Variants in GALNT13 observed in about 807,000 individuals in gnomAD.
GALNT13 encodes the protein polypeptide N-acetylgalactosaminyltransferase 13.
Under a neutral mutation model 64.2 loss-of-function variants are expected in GALNT13, and 28 were observed. The observed-to-expected ratio is 0.44, with a 90% CI of 0.32 to 0.60. The LOEUF (loss-of-function observed/expected upper bound fraction) is 0.60, where lower values mean the gene tolerates loss of function less well. GALNT13 is among the 20% of genes least tolerant of loss of function. The probability of loss-of-function intolerance (pLI) is 0.05; values close to 1 mark genes in which losing one functional copy is unlikely to be tolerated. For synonymous variants in GALNT13, 214 were observed against 224.6 expected (o/e 0.95, Z 0.42); for missense variants, 577 against 669.8 (o/e 0.86, Z 1.53).
At chr2:153,163,933 G>A in the GALNT13 span, among the ~76,000 whole-genome samples, 2 of 151,622 alleles carry the variant, frequency 1.3e-5, no homozygotes, top group Admixed American at 6.6e-5. Flanking sequence ...CAGGAGAATG[G>A]CGTGAACCCG....
At chr2:153,373,132 T>TTGTGTGCGTG in the GALNT13 span, among the ~76,000 whole-genome samples, 1 of 148,738 alleles carries the variant, frequency 6.7e-6, no homozygotes, top group Non-Finnish European at 1.5e-5. Flanking sequence ...TTCTGTTGCT[T>TTGTGTGCGTG]TGTGTGTGTG....
chr2:153,903,391 A>G (rs1688358007), intron 2 of GALNT13, among the ~76,000 whole-genome samples: 1 of 152,052 alleles, frequency 6.6e-6, no homozygotes, highest in African/African-American at 2.4e-5. Context: ...GTTAATGTAA[A>G]AGTAATTGCA....
At chr2:153,163,007 G>A in the GALNT13 span, among the ~76,000 whole-genome samples, 1 of 152,164 alleles carries the variant, frequency 6.6e-6, no homozygotes, top group Non-Finnish European at 1.5e-5. Flanking sequence ...GCCAGAAGAA[G>A]AGGCATTTGC....
chr2:153,820,533 G>A, the GALNT13 span, among the ~76,000 whole-genome samples: 2 of 152,126 alleles, frequency 1.3e-5, no homozygotes, highest in Admixed American at 1.3e-4. Flanking sequence ...AGACTTCTCA[G>A]CAGAAACCTT....
intron 2 of GALNT13, among the ~76,000 whole-genome samples, chr2:153,938,266 T>C (rs971588448): frequency 9.9e-5 from 15 of 152,184 alleles, no homozygotes; most frequent in African/African-American, 3.6e-4. Flanking sequence ...GCAATACATT[T>C]AACATGGCAG....
the GALNT13 span, among the ~76,000 whole-genome samples, chr2:153,123,213 C>G: frequency 6.6e-6 from 1 of 152,148 alleles, no homozygotes; most frequent in Non-Finnish European, 1.5e-5. Context: ...TTGCTGGCAA[C>G]CACTAGATGC....
At chr2:153,629,502 G>A in the GALNT13 span, among the ~76,000 whole-genome samples, 22 of 152,098 alleles carry the variant, frequency 1.4e-4, no homozygotes, top group African/African-American at 4.3e-4. Flanking sequence ...TTAATTCAAG[G>A]TGGATTAAAG....
At chr2:153,609,125 A>G in the GALNT13 span, among the ~76,000 whole-genome samples, 1 of 151,664 alleles carries the variant, frequency 6.6e-6, no homozygotes, top group African/African-American at 2.4e-5. Context: ...TATTTTTTGT[A>G]GAACTGGGGT....
At chr2:153,825,955 C>A in the GALNT13 span, among the ~76,000 whole-genome samples, 1 of 152,102 alleles carries the variant, frequency 6.6e-6, no homozygotes, top group East Asian at 1.9e-4. Context: ...CTCCCTGGTA[C>A]CTCTGCATCA....
intron 1 of GALNT13, among the ~76,000 whole-genome samples, chr2:153,886,236 A>T (rs1687170181): frequency 6.6e-6 from 1 of 150,848 alleles, no homozygotes; most frequent in African/African-American, 2.4e-5. Flanking sequence ...TATACTTTTA[A>T]GTTTTAGGAT....
intron 1 of GALNT13, among the ~76,000 whole-genome samples, chr2:153,877,102 T>C (rs913055359): frequency 6.6e-6 from 1 of 152,094 alleles, no homozygotes; most frequent in African/African-American, 2.4e-5. Flanking sequence ...ATGACTATTA[T>C]TACCATAGAT....
chr2:154,185,343 A>G (rs1686191251), intron 4 of GALNT13, among the ~76,000 whole-genome samples: 1 of 152,008 alleles, frequency 6.6e-6, no homozygotes, highest in African/African-American at 2.4e-5. Flanking sequence ...TTTATTCTCA[A>G]CTAATTGGAA....
At chr2:154,139,416 A>AC (rs1245173049) in intron 3 of GALNT13, among the ~76,000 whole-genome samples, 1 of 151,970 alleles carries the variant, frequency 6.6e-6, no homozygotes, top group Non-Finnish European at 1.5e-5. Context: ...TGGAAATTAA[A>AC]CTCAGTAAGA....
At chr2:154,008,066 A>G (rs1160751397) in intron 3 of GALNT13, among the ~76,000 whole-genome samples, 1 of 152,134 alleles carries the variant, frequency 6.6e-6, no homozygotes, top group Non-Finnish European at 1.5e-5. Flanking sequence ...ATTATGCTTA[A>G]TTAGAATCTC....
chr2:154,139,641 C>A (rs1157283282), intron 3 of GALNT13, among the ~76,000 whole-genome samples: 2 of 151,630 alleles, frequency 1.3e-5, no homozygotes, highest in Non-Finnish European at 2.9e-5. Context: ...CACACACACA[C>A]ACACACACAC....
At chr2:153,894,384 T>A (rs1231326109) in intron 1 of GALNT13, among the ~76,000 whole-genome samples, 1 of 152,096 alleles carries the variant, frequency 6.6e-6, no homozygotes, top group Admixed American at 6.6e-5. Flanking sequence ...TACGCAGTGA[T>A]ATAAATTGGC....
rs116699794 is a variant in GALNT13 at position 154,012,449 on chromosome 2, C to T, written c.142+67810C>T. On this transcript the variant is annotated intron_variant, in intron 3 of 12. Transcript: ENST00000392825. ...GCTGAAAGTTTCATTGTTAGCCTGA[C>T]GGGGTTTCCTTTGTAGGTGACCTGC... Among the ~76,000 whole-genome samples, 1,448 of 152,204 alleles carry T rather than the reference C, an allele frequency of 9.5e-3. 20 individuals carry two copies. Among genetic ancestry groups the T allele is most frequent in the African/African-American group, 0.033 (1,369 of 41,522 alleles).
intron 9 of GALNT13, among the ~76,000 whole-genome samples, chr2:154,375,145 G>A (rs1048687834): frequency 1.3e-5 from 2 of 151,968 alleles, no homozygotes; most frequent in African/African-American, 2.4e-5. Flanking sequence ...CCGCCACCAA[G>A]CCCAGCTAAT....
the GALNT13 span, among the ~76,000 whole-genome samples, chr2:153,118,572 C>T: frequency 3.3e-5 from 5 of 152,034 alleles, no homozygotes; most frequent in Non-Finnish European, 7.4e-5. Flanking sequence ...TAGAGGTCTG[C>T]CACATATCTT....
Sources: allele counts gnomAD v4.1 joint callset (sites outside exome capture counted in the v4.1 genomes callset), GRCh38; gene constraint gnomAD v4.1.1; transcripts MANE v1.5; gene names NCBI Gene and HGNC (gene_info 2026-07-23, HGNC 2026-07-21).